Variants in TMTC2 observed in about 807,000 individuals in gnomAD.
TMTC2 encodes the protein protein O-mannosyl-transferase TMTC2.
In TMTC2, 43 loss-of-function variants were observed where a neutral mutation model predicts 82.4. That is an observed-to-expected ratio of 0.52 (90% CI 0.41 to 0.67). The LOEUF (loss-of-function observed/expected upper bound fraction) is 0.67, where lower values mean the gene tolerates loss of function less well. TMTC2 is among the 30% of genes least tolerant of loss of function. The pLI is 0.00. For missense variants in TMTC2, 919 were observed against 1,012.4 expected (o/e 0.91, Z 1.25); for synonymous variants, 408 against 381.9 (o/e 1.07, Z -0.80).
chr12:82,781,562 T>C (rs1227544309), intron 1 of TMTC2, among the ~76,000 whole-genome samples: 1 of 151,976 alleles, frequency 6.6e-6, no homozygotes, highest in African/African-American at 2.4e-5. Context: ...TTGGTTGCCA[T>C]TGCGATGTTC....
chr12:82,817,845 G>T (rs1222862323), intron 1 of TMTC2, among the ~76,000 whole-genome samples: 1 of 152,112 alleles, frequency 6.6e-6, no homozygotes, highest in African/African-American at 2.4e-5. Context: ...TCACCAGAAG[G>T]CTCAAGCTTA....
chr12:82,889,576 A>G (rs1873291174), intron 2 of TMTC2, among the ~76,000 whole-genome samples: 2 of 152,150 alleles, frequency 1.3e-5, no homozygotes, highest in South Asian at 2.1e-4. Context: ...AATAAAAAAT[A>G]AAAGGCCTTT....
At chr12:82,819,472 C>G (rs1236608274) in intron 1 of TMTC2, among the ~76,000 whole-genome samples, 1 of 149,274 alleles carries the variant, frequency 6.7e-6, no homozygotes, top group Non-Finnish European at 1.5e-5. Flanking sequence ...TTCATGATCT[C>G]ATAGTACTTT....
At chr12:82,985,402 A>T (rs2137336679) in intron 7 of TMTC2, among the ~76,000 whole-genome samples, 1 of 152,320 alleles carries the variant, frequency 6.6e-6, no homozygotes, top group Admixed American at 6.5e-5. Flanking sequence ...TAAAGAAATT[A>T]GCAGCAGTGT....
chr12:83,028,373 A>G (rs1477240168), intron 8 of TMTC2, among the ~76,000 whole-genome samples: 3 of 152,202 alleles, frequency 2.0e-5, no homozygotes, highest in Non-Finnish European at 4.4e-5. Flanking sequence ...AAAATTGAGC[A>G]GAAAGTACAG....
At chr12:82,785,778 T>C (rs1233758820) in intron 1 of TMTC2, among the ~76,000 whole-genome samples, 1 of 152,082 alleles carries the variant, frequency 6.6e-6, no homozygotes, top group Non-Finnish European at 1.5e-5. Flanking sequence ...TTCTCTAGTC[T>C]CCTTGATTCT....
intron 1 of TMTC2, among the ~76,000 whole-genome samples, chr12:82,791,204 C>T (rs979179854): frequency 2.6e-5 from 4 of 152,074 alleles, no homozygotes; most frequent in African/African-American, 9.7e-5. Flanking sequence ...TTTTATCTTT[C>T]CGTATTACTA....
chr12:82,781,788 C>T (rs1032148013), intron 1 of TMTC2, among the ~76,000 whole-genome samples: 1 of 146,866 alleles, frequency 6.8e-6, no homozygotes, highest in East Asian at 2.0e-4. Context: ...TAGGCTGCTT[C>T]TCTAATTTGC....
intron 11 of TMTC2, among the ~76,000 whole-genome samples, chr12:83,098,391 C>T (rs949118467): frequency 1.3e-5 from 2 of 152,188 alleles, no homozygotes; most frequent in Non-Finnish European, 2.9e-5. Context: ...AATGTTTCCT[C>T]TTCATCTCTC....
intron 11 of TMTC2, among the ~76,000 whole-genome samples, chr12:83,109,560 C>A (rs1252890021): frequency 6.6e-6 from 1 of 152,208 alleles, no homozygotes; most frequent in Non-Finnish European, 1.5e-5. Context: ...TTTCAAACAT[C>A]CCTTCCTTGA....
At chr12:82,903,861 G>A (rs577023721) in intron 3 of TMTC2, among the ~76,000 whole-genome samples, 3 of 152,178 alleles carry the variant, frequency 2.0e-5, no homozygotes, top group Non-Finnish European at 4.4e-5. Context: ...CAGATATAAT[G>A]TACATGCATG....
At chr12:82,963,269 A>G (rs1399787720) in intron 4 of TMTC2, among the ~76,000 whole-genome samples, 2 of 152,030 alleles carry the variant, frequency 1.3e-5, no homozygotes, top group African/African-American at 4.8e-5. Flanking sequence ...TCTAAGAGGT[A>G]CACGAACATT....
intron 2 of TMTC2, among the ~76,000 whole-genome samples, chr12:82,877,845 CAAAATCAAACTGTT>C (rs1361192848): frequency 2.6e-5 from 4 of 152,046 alleles, no homozygotes; most frequent in African/African-American, 9.7e-5. Context: ...GAAGAAAAAA[CAAAATCAAACTGTT>C]AAAGAAACGA....
At chr12:82,745,287 T>G (rs1875629884) in intron 1 of TMTC2, among the ~76,000 whole-genome samples, 1 of 152,186 alleles carries the variant, frequency 6.6e-6, no homozygotes, top group South Asian at 2.1e-4. Context: ...AGATAACAGT[T>G]GTTGTAGAAA....
chr12:83,115,005 T>C (rs1183339747), intron 11 of TMTC2, among the ~76,000 whole-genome samples: 1 of 152,106 alleles, frequency 6.6e-6, no homozygotes, highest in East Asian at 1.9e-4. Context: ...AGATTTTAAA[T>C]ATTATAAGCG....
intron 1 of TMTC2, among the ~76,000 whole-genome samples, chr12:82,736,577 T>TC (rs1346664380): frequency 1.3e-5 from 2 of 152,226 alleles, no homozygotes; most frequent in Non-Finnish European, 2.9e-5. Flanking sequence ...AATGACTTTT[T>TC]CATTTCAAAC....
intron 1 of TMTC2, among the ~76,000 whole-genome samples, chr12:82,718,102 C>G (rs1054859050): frequency 2.6e-5 from 4 of 152,128 alleles, no homozygotes; most frequent in African/African-American, 9.7e-5. Context: ...TCCTACTGCT[C>G]AAGGTCATTG....
At chr12:82,882,919 G>C (rs1255699353) in intron 2 of TMTC2, among the ~76,000 whole-genome samples, 5 of 151,946 alleles carry the variant, frequency 3.3e-5, no homozygotes, top group Non-Finnish European at 7.4e-5. Context: ...AGCTGGGCGT[G>C]GTGGCGTGTG....
Position 82,896,012 on chromosome 12 carries a change from G to A in TMTC2, c.849G>A (p.Leu283=), listed in dbSNP as rs1486785317. 9.3e-6 allele frequency: 15 copies of A among 1,613,764 alleles called. No individual in the cohort carries two copies. The highest frequency in any genetic ancestry group is 5.3e-5 in the African/African-American group (4 of 74,804). ...FFYLPTKNLW[L]LLCPDTLSFD... is the part of the protein sequence containing the mutation. ...ACTTGCCAACCAAGAACCTCTGGCT[G>A]TTGCTATGTCCAGATACCCTCAGTT... Residue 283 remains leucine, a synonymous_variant, in exon 3 of 12, where the codon CTG becomes CTA. Coordinates refer to ENST00000321196, the MANE Select transcript of TMTC2 (RefSeq NM_152588.3).
Sources: allele counts gnomAD v4.1 joint callset (sites outside exome capture counted in the v4.1 genomes callset), GRCh38; gene constraint gnomAD v4.1.1; transcripts MANE v1.5; gene names NCBI Gene and HGNC (gene_info 2026-07-23, HGNC 2026-07-21).